The following JAKMIP1 variants were observed in gnomAD, a reference collection of about 807,000 sequenced individuals.
JAKMIP1 encodes the protein janus kinase and microtubule interacting protein 1.
A neutral mutation model predicts 113.0 loss-of-function variants in JAKMIP1; 33 were observed. That is an observed-to-expected ratio of 0.29 (90% CI 0.22 to 0.39). The LOEUF (loss-of-function observed/expected upper bound fraction) is 0.39. JAKMIP1 is among the 10% of genes least tolerant of loss of function. The pLI, the probability that JAKMIP1 is intolerant of heterozygous loss-of-function variation, is 1.00. For synonymous variants in JAKMIP1, 480 were observed against 459.9 expected, an observed-to-expected ratio of 1.04 and a Z score of -0.56; for missense variants, 813 against 1,080.5, an observed-to-expected ratio of 0.75 and a Z score of 3.47.
chr4:6,075,013 T>C (rs1049825280), intron 8 of JAKMIP1, among the ~76,000 whole-genome samples: 1 of 152,216 alleles, frequency 6.6e-6, no homozygotes, highest in African/African-American at 2.4e-5. Context: ...TTTCTCAGAA[T>C]GTGTCCCTGT....
intron 17 of JAKMIP1, among the ~76,000 whole-genome samples, chr4:6,041,148 A>T (rs1049698554): frequency 6.6e-6 from 1 of 152,066 alleles, no homozygotes; most frequent in African/African-American, 2.4e-5. Context: ...CACTGAGCAC[A>T]CTTCTCCCTG....
chr4:6,057,377 C>A (rs934890165), intron 11 of JAKMIP1, among the ~76,000 whole-genome samples: 1 of 152,248 alleles, frequency 6.6e-6, no homozygotes. Context: ...AGCCACAGAG[C>A]TGGGGCTGGG....
rs146703299 is a variant in JAKMIP1, at chr4:6,032,965, C to T, written c.2379+2939G>A. Among the ~76,000 whole-genome samples the T allele has an allele frequency of 7.2e-5, 11 of 152,348 alleles. No individual in the cohort carries two copies. The East Asian group carries it at 1.5e-3, about 21-fold the overall frequency. ...TGAATTGTCCCAGCAGATGTCTCTG[C>T]AGGCCAACTGTGGCTAGGAAGCGAA... On this transcript the variant is annotated intron_variant, in intron 19 of 20. Coordinates refer to ENST00000409021, the MANE Select transcript of JAKMIP1 (RefSeq NM_001099433.2).
At position 6,081,258 on chromosome 4, in the gene JAKMIP1, C is replaced by T. The variant is rs1213622676; in HGVS notation, c.1101+351G>A. On this transcript the variant is annotated intron_variant, in intron 6 of 20. Transcript: ENST00000409021. This position sits in a 1 kb window ranked among gnomAD's most constrained non-coding sequence, Gnocchi z 4.6. ...TCACTTGCTGGGTGTCCTCTGGGCC[C>T]GTTCCCTGTGAGGTCTTTACATGCT... 1.3e-5 allele frequency among the ~76,000 whole-genome samples: 2 copies of T among 152,182 alleles called. No homozygotes were observed. Among genetic ancestry groups the T allele is most frequent in the African/African-American group, 2.4e-5 (1 of 41,440 alleles).
chr4:6,199,398 G>T lies in JAKMIP1; in HGVS notation c.-148+855C>A, dbSNP rs530035552. 6.8e-4 allele frequency among the ~76,000 whole-genome samples: 103 copies of T among 152,274 alleles called. No individual in the cohort carries two copies. The highest frequency in any genetic ancestry group is 1.1e-3 in the Non-Finnish European group (77 of 68,002). On this transcript the variant is annotated intron_variant, in intron 1 of 20. Transcript: ENST00000409021. The surrounding 1 kb of genome is among the most constrained non-coding windows in gnomAD (Gnocchi z 5.6). ...CAGGCCGGATGCTCAGGAGCCCACAGCAGGGGGGATGGAGCGAAGGACCGA... is the reference window on the plus strand; with the variant it reads ...CAGGCCGGATGCTCAGGAGCCCACATCAGGGGGGATGGAGCGAAGGACCGA...
At chr4:6,131,173 A>AG (rs1553848186) in intron 1 of JAKMIP1, among the ~76,000 whole-genome samples, 1 of 95,490 alleles carries the variant, frequency 1.0e-5, no homozygotes, top group Non-Finnish European at 2.0e-5. Context: ...AAAAAAAAAA[A>AG]AATATCCCAG....
At position 6,105,867 on chromosome 4, in the gene JAKMIP1, T is replaced by C. The variant is rs765421280; in HGVS notation, c.230A>G (p.His77Arg). 1.2e-6 allele frequency: 2 copies of C among 1,612,174 alleles called. No homozygotes were observed. The highest frequency in any genetic ancestry group is 3.3e-5 in the Admixed American group (2 of 60,014). ...CTGCAGCTCCTTGGTCTTCTCCTCATGCAGCTTGGCCTTGAGCTCCGAAAT... is the reference window on the plus strand; with the variant it reads ...CTGCAGCTCCTTGGTCTTCTCCTCACGCAGCTTGGCCTTGAGCTCCGAAAT... ...AYISELKAKL[H>R]EEKTKELQAL... is the part of the protein sequence containing the mutation. Residue 77 changes from histidine to arginine, a missense_variant, in exon 3 of 21, where the codon CAT (histidine) becomes CGT (arginine). By Grantham distance (29) the His-to-Arg change is conservative. Transcript: ENST00000409021.
intron 1 of JAKMIP1, among the ~76,000 whole-genome samples, chr4:6,121,002 C>A (rs1716634773): frequency 6.6e-6 from 1 of 152,128 alleles, no homozygotes; most frequent in Admixed American, 6.5e-5. Flanking sequence ...GAGTTCAAGA[C>A]CAGCCCGGCC....
At chr4:6,165,258 A>C (rs1426423302) in intron 1 of JAKMIP1, among the ~76,000 whole-genome samples, 2 of 152,258 alleles carry the variant, frequency 1.3e-5, no homozygotes, top group Non-Finnish European at 2.9e-5. Context: ...AGTCATCAGC[A>C]TTATTTAGCT....
chr4:6,121,199 C>CAAAA lies in JAKMIP1; in HGVS notation c.-147-8206_-147-8203dup, dbSNP rs33951121. On this transcript the variant is annotated intron_variant, in intron 1 of 20. Coordinates refer to ENST00000409021, the MANE Select transcript of JAKMIP1 (RefSeq NM_001099433.2). ...TGGGCAACAGAGCCAGACCTTGTCT[C>CAAAA]AAAAAAAAAAAAAAAAAATGGCAGC... 1.1e-3 allele frequency among the ~76,000 whole-genome samples: 145 copies of CAAAA among 128,298 alleles called. 2 individuals carry two copies. Among genetic ancestry groups the CAAAA allele is most frequent in the Middle Eastern group, 4.2e-3 (1 of 236 alleles). The allele number at this position is 128,298 out of a possible 152,430, so 84.2% of individuals were successfully genotyped here. A position where few individuals can be genotyped will look rare whatever the true frequency, so the allele number is the denominator to read the frequency against.
Position 6,049,956 on chromosome 4 carries a change from G to T in JAKMIP1, c.1909-84C>A. Reference sequence around the variant, plus strand: ...TTCTAGGGCCACGGCCTTTCCTCTGGACAAGACACCGCGCTCTTTCTTTTC... The same window carrying T: ...TTCTAGGGCCACGGCCTTTCCTCTGTACAAGACACCGCGCTCTTTCTTTTC... On this transcript the variant is annotated intron_variant, in intron 14 of 20. Transcript: ENST00000409021. The surrounding 1 kb of genome is among the most constrained non-coding windows in gnomAD (Gnocchi z 7.0). The T allele has an allele frequency of 1.1e-6, 1 of 927,058 alleles. No homozygotes were observed. The highest frequency in any genetic ancestry group is 2.4e-5 in the East Asian group (1 of 40,994). 57.4% of individuals were successfully genotyped at this position (927,058 alleles called of 1,614,324 possible).
chr4:6,127,493 T>C (rs1013836417), intron 1 of JAKMIP1, among the ~76,000 whole-genome samples: 5 of 152,146 alleles, frequency 3.3e-5, no homozygotes, highest in African/African-American at 1.2e-4. Flanking sequence ...GGAGGATCGG[T>C]TGTCAGCCTC....
chr4:6,076,488 T>A lies in JAKMIP1; in HGVS notation c.1302+2451A>T. Among the ~76,000 whole-genome samples the A allele has an allele frequency of 6.6e-6, 1 of 152,136 alleles. No homozygotes were observed. Among genetic ancestry groups the A allele is most frequent in the Non-Finnish European group, 1.5e-5 (1 of 68,042 alleles). ...GGCTGTGAGAATTCAATGAGATTGT[T>A]TAAATACCCACTCATCTGAGAATCC... is the stretch of plus-strand genomic sequence containing the variant. On this transcript the variant is annotated intron_variant, in intron 8 of 20. Coordinates refer to ENST00000409021, the MANE Select transcript of JAKMIP1 (RefSeq NM_001099433.2). This position sits in a 1 kb window ranked among gnomAD's most constrained non-coding sequence, Gnocchi z 4.8.
At chr4:6,126,713 A>G (rs915457045) in intron 1 of JAKMIP1, among the ~76,000 whole-genome samples, 37 of 147,986 alleles carry the variant, frequency 2.5e-4, no homozygotes, top group South Asian at 1.8e-3. Context: ...TGCCCACACC[A>G]TACAGAAACA....
At chr4:6,127,377 G>A (rs1039613017) in intron 1 of JAKMIP1, among the ~76,000 whole-genome samples, 2 of 152,182 alleles carry the variant, frequency 1.3e-5, no homozygotes, top group South Asian at 2.1e-4. Flanking sequence ...GCTGAAAACC[G>A]GCCATTCTGG....
chr4:6,053,037 T>C (rs1233665509), intron 13 of JAKMIP1, among the ~76,000 whole-genome samples: 27 of 152,202 alleles, frequency 1.8e-4, no homozygotes, highest in Admixed American at 1.8e-3. Flanking sequence ...GTGAAGGTGC[T>C]CACTTTGAGG....
intron 18 of JAKMIP1, 77 bp from the exon 19 acceptor site, chr4:6,036,184 G>A: frequency 8.4e-7 from 1 of 1,191,630 alleles, no homozygotes; most frequent in East Asian, 2.6e-5. Context: ...TGCTGCCAGT[G>A]GAGGCAGAGC....
rs150104051 is a variant in JAKMIP1, at chr4:6,027,609, C to T, written c.2446-1331G>A. Among the ~76,000 whole-genome samples, 12 of 152,312 alleles carry T rather than the reference C, an allele frequency of 7.9e-5. 1 individual carries two copies. The East Asian group carries it at 2.1e-3, about 27-fold the overall frequency. ...GGAAGGTTTCCAGCCCTACAGGCCT[C>T]GTCAGGCATCCATCCTGGCCAGTTC... On this transcript the variant is annotated intron_variant, in intron 20 of 20. Transcript: ENST00000409021.
chr4:6,191,367 C>T (rs1727238701), intron 1 of JAKMIP1, among the ~76,000 whole-genome samples: 1 of 152,206 alleles, frequency 6.6e-6, no homozygotes, highest in South Asian at 2.1e-4. Flanking sequence ...CATCACGGGC[C>T]TTAGTGGCTG....
Sources: allele counts gnomAD v4.1 joint callset (sites outside exome capture counted in the v4.1 genomes callset), GRCh38; gene constraint gnomAD v4.1.1; non-coding constraint Gnocchi (gnomAD v3.1); transcripts MANE v1.5; gene names NCBI Gene and HGNC (gene_info 2026-07-23, HGNC 2026-07-21).